Variants in ANKRD30A observed in about 807,000 individuals in gnomAD.
ANKRD30A encodes ankyrin repeat domain-containing protein 30A.
A neutral mutation model predicts 166.3 loss-of-function variants in ANKRD30A; 170 were observed. The observed-to-expected ratio is 1.02, with a 90% CI of 0.90 to 1.16. The LOEUF (loss-of-function observed/expected upper bound fraction) is 1.16. ANKRD30A is among the 50% of genes most tolerant of loss of function. ANKRD30A has a pLI of 0.00. For synonymous variants in ANKRD30A, 564 were observed against 508.9 expected, an observed-to-expected ratio of 1.11 and a Z score of -1.46; for missense variants, 1,630 against 1,518.0, an observed-to-expected ratio of 1.07 and a Z score of -1.23.
In ANKRD30A at chr10:37,165,138, A is replaced by T. The variant is rs1025038301; in HGVS notation, c.2047A>T (p.Asn683Tyr). ...ATCCAAACAAAAGGACTATGAAGAA[A>T]ATTCTTGGGATACTGAGGTACTGTG... ...SESKQKDYEE[N>Y]SWDTESLCET... is the part of the protein sequence containing the mutation. Residue 683 changes from asparagine to tyrosine, a missense_variant, in exon 18 of 36, where the codon AAT becomes TAT. By Grantham distance (143) the Asn-to-Tyr change is moderately radical. This residue lies in a region of ANKRD30A where 904 missense variants were observed against 818.5 expected (regional missense o/e 1.10). Transcript: ENST00000361713. 1 of 1,608,966 alleles carries T rather than the reference A, an allele frequency of 6.2e-7. No homozygotes were observed. The highest frequency in any genetic ancestry group is 1.3e-5 in the African/African-American group (1 of 74,884).
chr10:37,195,888 A>G (rs1249218188), intron 27 of ANKRD30A, among the ~76,000 whole-genome samples: 4 of 152,284 alleles, frequency 2.6e-5, no homozygotes, highest in Admixed American at 6.5e-5. Context: ...GAAGGTCAAG[A>G]CATAACAGGG....
At chr10:37,141,315 T>C (rs187014887) in intron 6 of ANKRD30A, among the ~76,000 whole-genome samples, 4 of 152,234 alleles carry the variant, frequency 2.6e-5, no homozygotes, top group Admixed American at 2.6e-4. Context: ...CTCACTCCTG[T>C]AGTCCTAGCA....
At chr10:37,199,365 A>C (rs551203961) in intron 29 of ANKRD30A, among the ~76,000 whole-genome samples, 2 of 152,198 alleles carry the variant, frequency 1.3e-5, no homozygotes, top group South Asian at 2.1e-4. Context: ...CTACCAAATA[A>C]AAATTTACAA....
chr10:37,262,652 T>G, the ANKRD30A span: 1 of 153,608 alleles, frequency 6.5e-6, no homozygotes, highest in Admixed American at 6.5e-5. Flanking sequence ...ATTTCAAATT[T>G]GTTATGTAAA....
chr10:37,145,561 C>T (rs552611632), intron 8 of ANKRD30A, among the ~76,000 whole-genome samples: 15 of 152,324 alleles, frequency 9.8e-5, no homozygotes, highest in African/African-American at 3.1e-4. Flanking sequence ...TGAAATTCTG[C>T]TAATTTTCAG....
intron 2 of ANKRD30A, 64 bp from the exon 3 acceptor site, chr10:37,130,141 A>C: frequency 6.0e-6 from 7 of 1,157,154 alleles, no homozygotes; most frequent in Non-Finnish European, 7.8e-6. Flanking sequence ...TATAATTTAT[A>C]ATTTATAATA....
chr10:37,184,012 G>T (rs1840232316), intron 24 of ANKRD30A, among the ~76,000 whole-genome samples: 1 of 151,732 alleles, frequency 6.6e-6, no homozygotes, highest in Non-Finnish European at 1.5e-5. Context: ...GCCGGACGTG[G>T]TGGCACGCAT....
At chr10:37,184,342 A>T (rs1480130063) in intron 24 of ANKRD30A, 1 of 73,470 alleles carries the variant, frequency 1.4e-5, no homozygotes, top group East Asian at 2.5e-4. Flanking sequence ...TTTTTTTTTA[A>T]TTTCTTTTTT....
At chr10:37,201,139 C>CT (rs879694686) in intron 30 of ANKRD30A, 96 bp from the exon 31 acceptor site, 102 of 1,039,814 alleles carry the variant, frequency 9.8e-5, no homozygotes, top group East Asian at 2.5e-4. Context: ...CAAAATAGGA[C>CT]TTTTTTTTAA....
chr10:37,239,103 A>G, the ANKRD30A span, among the ~76,000 whole-genome samples: 5 of 152,176 alleles, frequency 3.3e-5, no homozygotes, highest in Non-Finnish European at 5.9e-5. Context: ...GTAAAGAGGA[A>G]CACTCCAGAT....
the ANKRD30A span, among the ~76,000 whole-genome samples, chr10:37,253,097 G>A: frequency 6.6e-6 from 1 of 152,128 alleles, no homozygotes; most frequent in Non-Finnish European, 1.5e-5. Flanking sequence ...TTTTCTGTAG[G>A]CTCTCTTAGG....
chr10:37,158,666 ATGT>A, intron 15 of ANKRD30A, 80 bp downstream of exon 15: 2 of 1,562,406 alleles, frequency 1.3e-6, no homozygotes, highest in Admixed American at 1.8e-5. Context: ...TTCATTCCCA[ATGT>A]TGTTTTCTAT....
At chr10:37,255,210 A>G in the ANKRD30A span, among the ~76,000 whole-genome samples, 1 of 152,200 alleles carries the variant, frequency 6.6e-6, no homozygotes, top group South Asian at 2.1e-4. Context: ...AAAATGGGAA[A>G]TAAATAATGT....
At chr10:37,154,708 G>C (rs1338966388) in intron 13 of ANKRD30A, among the ~76,000 whole-genome samples, 1 of 152,102 alleles carries the variant, frequency 6.6e-6, no homozygotes, top group Non-Finnish European at 1.5e-5. Context: ...CAGGAAGCAG[G>C]GGACAAGAGA....
the ANKRD30A span, among the ~76,000 whole-genome samples, chr10:37,239,863 TGTAA>T: frequency 1.3e-5 from 2 of 152,166 alleles, no homozygotes; most frequent in Non-Finnish European, 2.9e-5. Context: ...GGCACAATTC[TGTAA>T]GTGAGACATC....
intron 15 of ANKRD30A, among the ~76,000 whole-genome samples, chr10:37,159,849 C>T (rs1214079685): frequency 6.6e-6 from 1 of 152,134 alleles, no homozygotes; most frequent in Non-Finnish European, 1.5e-5. Context: ...CGCCTGCCAC[C>T]ATGCCCGGCT....
the ANKRD30A span, among the ~76,000 whole-genome samples, chr10:37,242,753 T>A: frequency 6.6e-6 from 1 of 152,188 alleles, no homozygotes; most frequent in East Asian, 1.9e-4. Flanking sequence ...GACACATTTT[T>A]CTAGGTAAAC....
chr10:37,165,209 T>A, intron 18 of ANKRD30A, 54 bp downstream of exon 18: 1 of 1,482,574 alleles, frequency 6.7e-7, no homozygotes, highest in Non-Finnish European at 9.4e-7. Flanking sequence ...TATGAAAACA[T>A]AAAATCAGAT....
chr10:37,197,306 C>A lies in ANKRD30A; in HGVS notation c.2640C>A (p.Phe880Leu). 6.2e-7 allele frequency: 1 copy of A among 1,613,214 alleles called. No individual in the cohort carries two copies. The highest frequency in any genetic ancestry group is 8.5e-7 in the Non-Finnish European group (1 of 1,179,762). ...AGCCTCCCGAGAAGCCATCTGCCTT[C>A]GAGGTATTTAGTTTTATGATTTCAT... is the stretch of plus-strand genomic sequence containing the variant. ...KAEPPEKPSA[F>L]EPAIEMQKSV... Residue 880 changes from phenylalanine to leucine, a missense_variant, in exon 28 of 36, where the codon TTC (phenylalanine) becomes TTA (leucine). Physicochemically the swap from Phe to Leu is conservative, Grantham distance 22. Around this residue, in one of 4 missense-constraint regions of ANKRD30A, gnomAD observed 712 missense variants for 629.3 expected, o/e 1.13. Coordinates refer to ENST00000361713, the MANE Select transcript of ANKRD30A (RefSeq NM_052997.3).
Sources: gnomAD v4.1 joint callset for allele counts (sites outside exome capture counted in the v4.1 genomes callset) on GRCh38, gnomAD v4.1.1 for gene constraint, gnomAD v4.1.1 regional missense constraint, MANE v1.5 for transcripts, NCBI Gene and HGNC (gene_info 2026-07-23, HGNC 2026-07-21) for gene names.